MDGA2: variants seen among roughly 807,000 people sequenced by gnomAD.
MDGA2 encodes the protein MAM domain-containing glycosylphosphatidylinositol anchor protein 2.
In MDGA2, 40 loss-of-function variants were observed where a neutral mutation model predicts 117.8. The observed-to-expected ratio is 0.34, with a 90% CI of 0.26 to 0.44. The LOEUF is 0.44. Among genes scored for constraint, MDGA2 ranks in the 20% least tolerant of loss-of-function variants. The probability of loss-of-function intolerance (pLI) is 1.00; values close to 1 mark genes in which losing one functional copy is unlikely to be tolerated. For missense variants in MDGA2, 1,123 were observed against 1,250.6 expected, an observed-to-expected ratio of 0.90 and a Z score of 1.54; for synonymous variants, 452 against 439.0, an observed-to-expected ratio of 1.03 and a Z score of -0.37.
intron 2 of MDGA2, among the ~76,000 whole-genome samples, chr14:47,225,743 C>T (rs1393698914): frequency 3.3e-5 from 5 of 151,792 alleles, no homozygotes; most frequent in African/African-American, 1.2e-4. Context: ...AGCGCACCAG[C>T]ATGGCACATG....
intron 10 of MDGA2, among the ~76,000 whole-genome samples, chr14:46,907,549 T>C (rs1423201714): frequency 1.8e-4 from 28 of 152,180 alleles, no homozygotes; most frequent in Admixed American, 1.8e-3. Flanking sequence ...GAAATAGATA[T>C]TATACATATG....
intron 14 of MDGA2, among the ~76,000 whole-genome samples, chr14:46,864,633 G>A (rs1416608870): frequency 8.1e-6 from 1 of 123,278 alleles, no homozygotes; most frequent in East Asian, 2.7e-4. Flanking sequence ...GCAGTTTACT[G>A]AATGAATGTC....
chr14:47,527,509 G>C (rs1029857883), intron 1 of MDGA2, among the ~76,000 whole-genome samples: 3 of 152,176 alleles, frequency 2.0e-5, no homozygotes, highest in Non-Finnish European at 4.4e-5. Context: ...TGTGAAGCAT[G>C]TGTACATGAG....
intron 5 of MDGA2, among the ~76,000 whole-genome samples, chr14:47,122,693 A>G (rs1437185169): frequency 6.6e-6 from 1 of 152,152 alleles, no homozygotes; most frequent in Non-Finnish European, 1.5e-5. Context: ...AAAATCATCA[A>G]GAAATTGTAA....
At chr14:47,418,145 C>T (rs891591419) in intron 1 of MDGA2, among the ~76,000 whole-genome samples, 17 of 152,158 alleles carry the variant, frequency 1.1e-4, no homozygotes, top group Non-Finnish European at 5.9e-5. Flanking sequence ...GGCATGATCT[C>T]GGCTCTCTGC....
intron 8 of MDGA2, among the ~76,000 whole-genome samples, chr14:47,018,112 A>G (rs1330393032): frequency 6.6e-6 from 1 of 151,616 alleles, no homozygotes; most frequent in Non-Finnish European, 1.5e-5. Flanking sequence ...TATGTTGTGG[A>G]AATATCATAA....
chr14:47,044,916 T>C (rs1392105254), intron 7 of MDGA2, among the ~76,000 whole-genome samples: 1 of 152,054 alleles, frequency 6.6e-6, no homozygotes, highest in Non-Finnish European at 1.5e-5. Context: ...TGGGGAGAAA[T>C]AGGTTCCTGG....
At position 46,852,678 on chromosome 14, in the gene MDGA2, A is replaced by C. The variant is rs148975377; in HGVS notation, c.2883+2346T>G. The stretch of plus-strand genomic sequence containing the variant: ...CTGGGAATGGTGACTGTTCCCATCC[A>C]CCACATGGAAAAACCTCATAATACA... On this transcript the variant is annotated intron_variant, in intron 15 of 16. Coordinates refer to ENST00000399232, the MANE Select transcript of MDGA2 (RefSeq NM_001113498.3). Among the ~76,000 whole-genome samples, 439 of 151,962 alleles carry C rather than the reference A, an allele frequency of 2.9e-3. 3 individuals are homozygous for C. The highest frequency in any genetic ancestry group is 4.4e-3 in the Non-Finnish European group (300 of 67,868).
intron 9 of MDGA2, among the ~76,000 whole-genome samples, chr14:46,937,303 A>T (rs1010842932): frequency 3.3e-5 from 5 of 151,598 alleles, no homozygotes; most frequent in Non-Finnish European, 7.4e-5. Flanking sequence ...GTTAAAAAAA[A>T]TTGAGGAAGA....
chr14:47,287,042 A>G (rs964139890), intron 2 of MDGA2, among the ~76,000 whole-genome samples: 11 of 151,844 alleles, frequency 7.2e-5, no homozygotes, highest in Admixed American at 2.0e-4. Context: ...ACTGTACTAT[A>G]TACTTACTGT....
chr14:47,593,924 CG>C (rs1390266727), intron 1 of MDGA2, among the ~76,000 whole-genome samples: 1 of 151,950 alleles, frequency 6.6e-6, no homozygotes, highest in Non-Finnish European at 1.5e-5. Flanking sequence ...AAAACTTTGC[CG>C]ATTTGTGAGG....
chr14:47,203,081 A>C lies in MDGA2; in HGVS notation c.595+14940T>G, dbSNP rs183778434. On this transcript the variant is annotated intron_variant, in intron 3 of 16. Transcript: ENST00000399232. ...ATTAAAAAAGGAGAAGAAGAGTAAA[A>C]GCAATTACAGATCCTATCACGAACA... 1.8e-3 allele frequency among the ~76,000 whole-genome samples: 275 copies of C among 152,084 alleles called. 3 individuals carry two copies. The highest frequency in any genetic ancestry group is 6.4e-3 in the African/African-American group (266 of 41,534).
At chr14:47,247,308 T>TTTA (rs1887275219) in intron 2 of MDGA2, among the ~76,000 whole-genome samples, 1 of 34,512 alleles carries the variant, frequency 2.9e-5, no homozygotes, top group African/African-American at 1.4e-4. Context: ...AGTTTCATAT[T>TTTA]TTTTTTTTTT....
At chr14:46,865,944 A>G (rs1057351266) in intron 14 of MDGA2, among the ~76,000 whole-genome samples, 72 of 151,628 alleles carry the variant, frequency 4.7e-4, no homozygotes, top group Non-Finnish European at 8.9e-4. Context: ...AAGAATCAAT[A>G]TCATGAAAAT....
intron 1 of MDGA2, among the ~76,000 whole-genome samples, chr14:47,599,094 A>G (rs773143276): frequency 3.9e-5 from 6 of 152,000 alleles, no homozygotes; most frequent in Non-Finnish European, 5.9e-5. Flanking sequence ...AGTTTATTTC[A>G]TCTCCTAAAC....
intron 3 of MDGA2, among the ~76,000 whole-genome samples, chr14:47,191,860 G>T (rs1337440416): frequency 6.7e-6 from 1 of 150,296 alleles, no homozygotes; most frequent in Admixed American, 6.6e-5. Flanking sequence ...CACCCATGAT[G>T]AGCACATAGG....
At position 47,144,755 on chromosome 14, in the gene MDGA2, C is replaced by T. The variant is rs536624412; in HGVS notation, c.596-481G>A. Among the ~76,000 whole-genome samples, 384 of 151,772 alleles carry T rather than the reference C, an allele frequency of 2.5e-3. 2 individuals are homozygous for T. The highest frequency in any genetic ancestry group is 2.8e-3 in the Non-Finnish European group (187 of 67,976). ...CCTCAACCTCCTGAACCCAAGCCAT[C>T]CTCCTACCTCAGTCTCCTGAGTAGC... is the stretch of plus-strand genomic sequence containing the variant. On this transcript the variant is annotated intron_variant, in intron 3 of 16. Transcript: ENST00000399232.
chr14:47,280,033 G>A (rs1276819606), intron 2 of MDGA2, among the ~76,000 whole-genome samples: 1 of 151,420 alleles, frequency 6.6e-6, no homozygotes, highest in African/African-American at 2.4e-5. Context: ...TGTCAGGCCA[G>A]GCACATGGCT....
At chr14:47,301,986 T>C (rs1205136378) in intron 1 of MDGA2, among the ~76,000 whole-genome samples, 1 of 152,194 alleles carries the variant, frequency 6.6e-6, no homozygotes, top group Non-Finnish European at 1.5e-5. Context: ...ATTATTTAAG[T>C]CATGTAGCGC....
Sources: allele counts gnomAD v4.1 joint callset (sites outside exome capture counted in the v4.1 genomes callset), GRCh38; gene constraint gnomAD v4.1.1; transcripts MANE v1.5; gene names NCBI Gene and HGNC (gene_info 2026-07-23, HGNC 2026-07-21).